TXNDC5: variants seen among roughly 807,000 people sequenced by gnomAD.
The protein encoded by TXNDC5 is thioredoxin domain containing 5, also known as thioredoxin domain-containing protein 5.
A neutral mutation model predicts 52.6 loss-of-function variants in TXNDC5; 44 were observed. That is an observed-to-expected ratio of 0.84 (90% confidence interval 0.66 to 1.08). The LOEUF is 1.08. Among genes scored for constraint, TXNDC5 ranks in the 50% least tolerant of loss-of-function variants. TXNDC5 has a pLI of 0.00. For synonymous variants in TXNDC5, 241 were observed against 234.4 expected (o/e 1.03, Z -0.26); for missense variants, 600 against 565.5 (o/e 1.06, Z -0.62).
chr6:7,908,550 G>A (rs1310744970), intron 1 of TXNDC5, among the ~76,000 whole-genome samples: 2 of 151,544 alleles, frequency 1.3e-5, no homozygotes, highest in South Asian at 2.1e-4. Context: ...AATGGGATGC[G>A]ATGGCTCATG....
chr6:7,908,805 T>C (rs1263029430), intron 1 of TXNDC5, among the ~76,000 whole-genome samples: 1 of 152,096 alleles, frequency 6.6e-6, no homozygotes, highest in Non-Finnish European at 1.5e-5. Flanking sequence ...TACCACTGGT[T>C]TCAGGCTGGG....
chr6:7,909,434 A>G (rs1300218655), intron 1 of TXNDC5, among the ~76,000 whole-genome samples: 1 of 152,190 alleles, frequency 6.6e-6, no homozygotes, highest in Admixed American at 6.5e-5. Context: ...AGCTGTGCAC[A>G]TGCTTGTGTG....
At chr6:7,887,139 C>T (rs2113323261) in intron 7 of TXNDC5, among the ~76,000 whole-genome samples, 1 of 152,164 alleles carries the variant, frequency 6.6e-6, no homozygotes, top group East Asian at 1.9e-4. Flanking sequence ...CATCCCCGAC[C>T]TACAAGAGCC....
At chr6:7,898,714 A>G (rs1228376025) in intron 3 of TXNDC5, among the ~76,000 whole-genome samples, 2 of 152,144 alleles carry the variant, frequency 1.3e-5, no homozygotes, top group Non-Finnish European at 2.9e-5. Context: ...GGACCTGAGC[A>G]CTCGGCATTA....
intron 3 of TXNDC5, among the ~76,000 whole-genome samples, chr6:7,896,216 C>G (rs1471595498): frequency 6.6e-6 from 1 of 152,148 alleles, no homozygotes; most frequent in Non-Finnish European, 1.5e-5. Context: ...TGAACATAAG[C>G]TGCACCTTCA....
At chr6:7,899,538 AGGGAG>A in intron 3 of TXNDC5, 33 bp downstream of exon 3, 1 of 1,079,196 alleles carries the variant, frequency 9.3e-7, no homozygotes, top group African/African-American at 3.7e-5. Context: ...GGAGAGAGGG[AGGGAG>A]GGAGGGAGGG....
intron 9 of TXNDC5, among the ~76,000 whole-genome samples, chr6:7,883,510 T>A (rs564057981): frequency 6.6e-6 from 1 of 152,290 alleles, no homozygotes; most frequent in East Asian, 1.9e-4. Flanking sequence ...GGAACGACTT[T>A]ACCCTAAAGC....
chr6:7,909,915 T>A, intron 1 of TXNDC5: 1 of 985,978 alleles, frequency 1.0e-6, no homozygotes, highest in Non-Finnish European at 1.2e-6. Flanking sequence ...GCCGCTCTGG[T>A]GAGTGCACGT....
intron 8 of TXNDC5, among the ~76,000 whole-genome samples, chr6:7,884,702 C>G (rs879342293): frequency 6.6e-5 from 10 of 152,310 alleles, no homozygotes; most frequent in African/African-American, 2.4e-4. Context: ...GGTAGACTTT[C>G]AGATAATGTG....
intron 1 of TXNDC5, among the ~76,000 whole-genome samples, chr6:7,906,296 G>A (rs1760726796): frequency 6.6e-6 from 1 of 152,058 alleles, no homozygotes; most frequent in Admixed American, 6.5e-5. Context: ...CCAGCACTTT[G>A]GGAAGCCGAA....
rs777452477 is a variant in TXNDC5, at chr6:7,904,683, G to C, written c.304C>G (p.Leu102Val). 3 of 1,614,198 alleles carry C rather than the reference G, an allele frequency of 1.9e-6. No individual in the cohort carries two copies. Among genetic ancestry groups the C allele is most frequent in the South Asian group, 2.2e-5 (2 of 91,086 alleles). Residue 102 changes from leucine (L) to valine (V), a missense_variant, in exon 2 of 10, where the codon CTG becomes GTG. Leu to Val is a conservative substitution (Grantham distance 32). Transcript: ENST00000379757. Reference sequence around the variant, plus strand: ...TCCATGCTGTTGTATTTGTCTCCCAGGTCATTCCAAGTCGGCTGCAGCCGC... The same window carrying C: ...TCCATGCTGTTGTATTTGTCTCCCACGTCATTCCAAGTCGGCTGCAGCCGC... The part of the protein sequence containing the change: ...CQRLQPTWND[L>V]GDKYNSMEDA...
chr6:7,891,706 C>T lies in TXNDC5; in HGVS notation c.647G>A (p.Trp216Ter), dbSNP rs1385648451. The T allele has an allele frequency of 1.9e-6, 3 of 1,613,726 alleles. No homozygotes were observed. Among genetic ancestry groups the T allele is most frequent in the African/African-American group, 1.3e-5 (1 of 74,916 alleles). Residue 216 changes from tryptophan to a stop codon, truncating the protein, a stop_gained, in exon 5 of 10, where the codon TGG (tryptophan) becomes TAG (stop). Transcript: ENST00000379757. LOFTEE classifies it high-confidence loss of function. ...GDHFIKFFAP[W>*]CGHCKALAPT... ...AGCCAGGGCTTTGCAGTGACCACAC[C>T]ACGGAGCGAAGAACTTGATAAAGTG...
At chr6:7,887,419 C>T (rs9505302) in intron 7 of TXNDC5, among the ~76,000 whole-genome samples, 1,848 of 151,302 alleles carry the variant, frequency 0.012, 36 homozygotes, top group African/African-American at 0.042. Context: ...TCCCTTTCCT[C>T]GAGCTCTGGC....
chr6:7,908,018 C>T (rs1015045146), intron 1 of TXNDC5, among the ~76,000 whole-genome samples: 1 of 152,194 alleles, frequency 6.6e-6, no homozygotes, highest in Non-Finnish European at 1.5e-5. Flanking sequence ...GGTGCGGTGG[C>T]TTACGCCTGT....
chr6:7,902,556 G>C lies in TXNDC5; in HGVS notation c.413+2018C>G, dbSNP rs1042401943. On this transcript the variant is annotated intron_variant, in intron 2 of 9. Transcript: ENST00000379757. ...GCCTCACAACCACTCTATGGGATGG[G>C]CACTTGTCTTAGAGGAGTCAAAGCT... 2.0e-4 allele frequency among the ~76,000 whole-genome samples: 31 copies of C among 152,006 alleles called. 1 individual carries two copies. The highest frequency in any genetic ancestry group is 6.6e-5 in the Admixed American group (1 of 15,238).
Position 7,892,112 on chromosome 6 carries a change from C to T in TXNDC5, c.617-376G>A, listed in dbSNP as rs532412908. ...AATGAAGGGACGCTTGAATGAGCCT[C>T]GGCACTTGGCAGCCCTAAGGAATGG... On this transcript the variant is annotated intron_variant, in intron 4 of 9. Transcript: ENST00000379757. Among the ~76,000 whole-genome samples, 65 of 152,326 alleles carry T rather than the reference C, an allele frequency of 4.3e-4. 2 individuals are homozygous for T. In the South Asian group the frequency reaches 0.011, roughly 26 times the overall value.
At chr6:7,890,675 G>A (rs894034366) in intron 5 of TXNDC5, among the ~76,000 whole-genome samples, 21 of 152,152 alleles carry the variant, frequency 1.4e-4, no homozygotes, top group African/African-American at 4.1e-4. Context: ...ATATATTATC[G>A]TAAGCGTTTA....
chr6:7,884,330 C>CTCCCATAAGCATCCATCCAAGT lies in TXNDC5; in HGVS notation c.1176+7_1176+28dup, dbSNP rs753997021. 1.9e-6 allele frequency: 3 copies of CTCCCATAAGCATCCATCCAAGT among 1,613,158 alleles called. No individual in the cohort carries two copies. The Admixed American group carries it at 5.0e-5, about 27-fold the overall frequency. ...TTGGGATCTGCCCCCATACTGAGAG[C>CTCCCATAAGCATCCATCCAAGT]TCCCATAAGCATCCATCCAAGTACC... is the stretch of plus-strand genomic sequence containing the variant. On this transcript the variant is annotated intron_variant, in intron 9 of 9. Coordinates refer to ENST00000379757, the MANE Select transcript of TXNDC5 (RefSeq NM_030810.5).
At position 7,884,391 on chromosome 6, in the gene TXNDC5, T is replaced by C; in HGVS notation, c.1144A>G (p.Thr382Ala). 6.2e-7 allele frequency: 1 copy of C among 1,614,188 alleles called. No homozygotes were observed. Among genetic ancestry groups the C allele is most frequent in the Non-Finnish European group, 8.5e-7 (1 of 1,180,020 alleles). The change falls in exon 9 of 10, where the codon ACT (threonine) becomes GCT (alanine). Residue 382 changes from threonine to alanine, a missense_variant. Transcript: ENST00000379757. ...AGVKIAEVDCTAERNICSKYS... is the reference protein window; with the variant it reads ...AGVKIAEVDCAAERNICSKYS... Reference sequence around the variant, plus strand: ...TTGCTGCAGATATTCCGTTCAGCAGTGCAGTCTACTTCGGCGATCTTGACC... The same window carrying C: ...TTGCTGCAGATATTCCGTTCAGCAGCGCAGTCTACTTCGGCGATCTTGACC...
Sources: allele counts gnomAD v4.1 joint callset (sites outside exome capture counted in the v4.1 genomes callset), GRCh38; gene constraint gnomAD v4.1.1; transcripts MANE v1.5; gene names NCBI Gene and HGNC (gene_info 2026-07-23, HGNC 2026-07-21).